The following DUOX1 variants were observed in gnomAD, a reference collection of about 807,000 sequenced individuals.
The protein encoded by DUOX1 is NADPH thyroid oxidase 1.
Under a neutral mutation model 181.8 loss-of-function variants are expected in DUOX1, and 134 were observed. The ratio of observed to expected loss-of-function variants is 0.74; its 90% CI spans 0.64 to 0.85. The LOEUF (loss-of-function observed/expected upper bound fraction) is 0.85, where lower values mean the gene tolerates loss of function less well. DUOX1 is among the 40% of genes least tolerant of loss of function. DUOX1 has a pLI of 0.00. For missense variants in DUOX1, 1,814 were observed against 2,064.4 expected, an observed-to-expected ratio of 0.88 and a Z score of 2.35; for synonymous variants, 798 against 832.5, an observed-to-expected ratio of 0.96 and a Z score of 0.71.
Position 45,139,534 on chromosome 15 carries a change from C to G in DUOX1, c.1324C>G (p.Leu442Val), listed in dbSNP as rs1482026874. 2 of 1,612,990 alleles carry G rather than the reference C, an allele frequency of 1.2e-6. No homozygotes were observed. The highest frequency in any genetic ancestry group is 1.7e-5 in the Admixed American group (1 of 59,652). Residue 442 changes from leucine to valine, a missense_variant, in exon 12 of 34, where the codon CTG becomes GTG. Leu to Val is a conservative substitution (Grantham distance 32). Transcript: ENST00000389037. Reference protein sequence around the residue: ...LPSYTKARAALGLSPITRWQD... With the variant: ...LPSYTKARAAVGLSPITRWQD... The stretch of plus-strand genomic sequence containing the variant: ...CTCTTACACCAAGGCCAGGGCAGCA[C>G]TGGGCTTGTCTCCCATTACCCGCTG...
At chr15:45,150,951 C>T (rs1896785858) in intron 22 of DUOX1, among the ~76,000 whole-genome samples, 172 bp from the exon 23 acceptor site, 1 of 152,184 alleles carries the variant, frequency 6.6e-6, no homozygotes, top group Non-Finnish European at 1.5e-5. Context: ...GCAGCCTTAG[C>T]GAGGACCCCC....
rs1242563377 is a variant in DUOX1 at position 45,134,254 on chromosome 15, G to C, written c.252G>C (p.Arg84Ser). Residue 84 changes from arginine (R) to serine (S), a missense_variant, in exon 4 of 34, where the codon AGG (arginine) becomes AGC (serine). Coordinates refer to ENST00000389037, the MANE Select transcript of DUOX1 (RefSeq NM_175940.3). ...GAGACCTTAGCAACACCATCTCAAGGGGCCCTGCAGGGCTGGCCTCCCTGA... is the reference window on the plus strand; with the variant it reads ...GAGACCTTAGCAACACCATCTCAAGCGGCCCTGCAGGGCTGGCCTCCCTGA... The part of the protein sequence containing the change: ...NPRDLSNTIS[R>S]GPAGLASLRN... 7 of 1,594,604 alleles carry C rather than the reference G, an allele frequency of 4.4e-6. No homozygotes were observed. The highest frequency in any genetic ancestry group is 6.0e-6 in the Non-Finnish European group (7 of 1,172,596).
Position 45,144,083 on chromosome 15 carries a change from T to A in DUOX1, c.1984T>A (p.Tyr662Asn). ...HKEPCRPVLV[Y>N]LQPGQIRVVD... is the part of the protein sequence containing the mutation. ...GGAGCCCTGCCGGCCCGTGCTTGTG[T>A]ACCTGCAGCCCGGGCAGATCCGTGT... Residue 662 changes from tyrosine to asparagine, a missense_variant, in exon 17 of 34, where the codon TAC becomes AAC. Physicochemically the swap from Tyr to Asn is moderately radical, Grantham distance 143. Transcript: ENST00000389037. The A allele has an allele frequency of 6.2e-7, 1 of 1,614,086 alleles. No homozygotes were observed. The highest frequency in any genetic ancestry group is 8.5e-7 in the Non-Finnish European group (1 of 1,180,042).
rs759529164 is a variant in DUOX1 at position 45,143,270 on chromosome 15, A to T, written c.1903A>T (p.Ile635Phe). 6.2e-7 allele frequency: 1 copy of T among 1,614,114 alleles called. No homozygotes were observed. The highest frequency in any genetic ancestry group is 8.5e-7 in the Non-Finnish European group (1 of 1,180,012). The change falls in exon 16 of 34, where the codon ATC (isoleucine) becomes TTC (phenylalanine). Residue 635 changes from isoleucine (I) to phenylalanine (F), a missense_variant. By Grantham distance (21) the Ile-to-Phe change is conservative (BLOSUM62 0). Coordinates refer to ENST00000389037, the MANE Select transcript of DUOX1 (RefSeq NM_175940.3). ...GCTCCAGGGCCAGGACCGCCAGAGC[A>T]TCGTGTCTGAGAAGCTCGTGGGAGG... ...KRLQGQDRQS[I>F]VSEKLVGGME... is the part of the protein sequence containing the mutation.
At position 45,137,949 on chromosome 15, in the gene DUOX1, G is replaced by A; in HGVS notation, c.1048G>A (p.Val350Ile). Residue 350 changes from valine to isoleucine, a missense_variant, in exon 10 of 34, where the codon GTC (valine) becomes ATC (isoleucine). Around this residue, in one of 5 missense-constraint regions of DUOX1, gnomAD observed 1,064 missense variants for 1,152.9 expected, o/e 0.92. Coordinates refer to ENST00000389037, the MANE Select transcript of DUOX1 (RefSeq NM_175940.3). Reference sequence around the variant, plus strand: ...AAATGCCAGCTGCCACTTCCAGGGGGTCATCAATCGGAACTCAAGTGTCTC... The same window carrying A: ...AAATGCCAGCTGCCACTTCCAGGGGATCATCAATCGGAACTCAAGTGTCTC... ...MRNASCHFQG[V>I]INRNSSVSRA... The A allele has an allele frequency of 2.5e-6, 4 of 1,608,860 alleles. No homozygotes were observed. The highest frequency in any genetic ancestry group is 1.1e-5 in the South Asian group (1 of 90,254).
chr15:45,151,502 G>A (rs1161963792), intron 23 of DUOX1, among the ~76,000 whole-genome samples: 1 of 152,202 alleles, frequency 6.6e-6, no homozygotes, highest in Non-Finnish European at 1.5e-5. Context: ...CTGCCAGGGA[G>A]GTCAGAGATG....
rs1438020122 is a variant in DUOX1 at position 45,145,055 on chromosome 15, C to G, written c.2297C>G (p.Thr766Ser). The G allele has an allele frequency of 3.7e-6, 6 of 1,608,652 alleles. No homozygotes were observed. Among genetic ancestry groups the G allele is most frequent in the African/African-American group, 1.3e-5 (1 of 74,652 alleles). Residue 766 changes from threonine (T) to serine (S), a missense_variant, in exon 18 of 34, where the codon ACC (threonine) becomes AGC (serine). By Grantham distance (58) the Thr-to-Ser change is moderately conservative. Around this residue, in one of 5 missense-constraint regions of DUOX1, gnomAD observed 1,064 missense variants for 1,152.9 expected, o/e 0.92. Transcript: ENST00000389037. ...GAGCAGCGGAGGCACCTCCTGGAGA[C>G]CTTTTTCAGGCACCTTTTCTCCCAG... ...TREQRRHLLETFFRHLFSQVL... is the reference protein window; with the variant it reads ...TREQRRHLLESFFRHLFSQVL...
intron 14 of DUOX1, 88 bp from the exon 15 acceptor site, chr15:45,141,887 C>T (rs575095329): frequency 4.9e-5 from 72 of 1,483,616 alleles, no homozygotes; most frequent in African/African-American, 3.9e-4. Context: ...TGCCCCCACC[C>T]CCTTTCTGCC....
chr15:45,136,333 C>T lies in DUOX1; in HGVS notation c.865-17C>T, dbSNP rs1195503804. On this transcript the variant is annotated splice_polypyrimidine_tract_variant and intron_variant, in intron 7 of 33. Transcript: ENST00000389037. The stretch of plus-strand genomic sequence containing the variant: ...CCATCCAACTCGTGCCTCCCCTCGC[C>T]CCTCTCTGCCCCTCAGAACATCGCT... 2 of 1,612,990 alleles carry T rather than the reference C, an allele frequency of 1.2e-6. No homozygotes were observed. The highest frequency in any genetic ancestry group is 1.7e-6 in the Non-Finnish European group (2 of 1,180,034).
At chr15:45,140,059 G>C in intron 12 of DUOX1, 1 of 1,373,834 alleles carries the variant, frequency 7.3e-7, no homozygotes, top group Non-Finnish European at 9.8e-7. Flanking sequence ...CCCATTCCTG[G>C]TGTTCTCAAA....
At position 45,139,454 on chromosome 15, in the gene DUOX1, C is replaced by T. The variant is rs766564455; in HGVS notation, c.1244C>T (p.Ser415Phe). 1.9e-6 allele frequency: 3 copies of T among 1,612,978 alleles called. No individual in the cohort carries two copies. The highest frequency in any genetic ancestry group is 1.7e-5 in the Admixed American group (1 of 59,592). The change falls in exon 12 of 34, where the codon TCC (serine) becomes TTC (phenylalanine). Residue 415 changes from serine to phenylalanine, a missense_variant. Physicochemically the swap from Ser to Phe is radical, Grantham distance 155 (BLOSUM62 -2). This residue lies in a region of DUOX1 where 1,064 missense variants were observed against 1,152.9 expected (regional missense o/e 0.92). Coordinates refer to ENST00000389037, the MANE Select transcript of DUOX1 (RefSeq NM_175940.3). The stretch of plus-strand genomic sequence containing the variant: ...TTCTGGCCTGGGCCACTGAAGTTTT[C>T]CCGCACAGACCACCTGGCCAGCTGC... ...RDFWPGPLKF[S>F]RTDHLASCLQ...
rs752925886 is a variant in DUOX1 at position 45,133,911 on chromosome 15, TACA to T, written c.112_114del (p.Asn38del). On this transcript the variant is annotated inframe_deletion, in exon 3 of 34. Coordinates refer to ENST00000389037, the MANE Select transcript of DUOX1 (RefSeq NM_175940.3). ...GGAGGTGCAGCGATTTGATGGGTGG[TACA>T]ACAACCTCATGGAGCACAGATGGGG... 2 of 1,613,738 alleles carry T rather than the reference TACA, an allele frequency of 1.2e-6. No individual in the cohort carries two copies. Among genetic ancestry groups the T allele is most frequent in the Admixed American group, 3.3e-5 (2 of 59,990 alleles).
intron 27 of DUOX1, 129 bp downstream of exon 27, chr15:45,154,129 GC>G (rs1432072688): frequency 1.3e-5 from 11 of 848,222 alleles, no homozygotes; most frequent in Non-Finnish European, 2.0e-5. Flanking sequence ...CTGTCCTCTG[GC>G]CTGAGGACAC....
intron 21 of DUOX1, 139 bp from the exon 22 acceptor site, chr15:45,150,493 C>T: frequency 1.3e-6 from 1 of 751,376 alleles, no homozygotes; most frequent in South Asian, 1.7e-5. Flanking sequence ...GAGGTTGGAG[C>T]ACCCGAAAGC....
chr15:45,164,701 G>A, intron 33 of DUOX1, 78 bp from the exon 34 acceptor site: 1 of 1,549,592 alleles, frequency 6.5e-7, no homozygotes, highest in East Asian at 2.3e-5. Flanking sequence ...GAACTAGGGA[G>A]CTACCCCTTC....
At chr15:45,132,526 CTCTCTGCAGTCCGGA>C (rs1896180858) in intron 2 of DUOX1, among the ~76,000 whole-genome samples, 1 of 152,200 alleles carries the variant, frequency 6.6e-6, no homozygotes, top group African/African-American at 2.4e-5. Context: ...TCTGAGGCTG[CTCTCTGCAGTCCGGA>C]TCTCTGTGGA....
intron 33 of DUOX1, 26 bp from the exon 34 acceptor site, chr15:45,164,753 G>C: frequency 6.2e-7 from 1 of 1,614,104 alleles, no homozygotes; most frequent in East Asian, 2.2e-5. Context: ...CAAAGAGTTA[G>C]CCTCCACTTA....
chr15:45,143,429 G>T, intron 16 of DUOX1, 126 bp downstream of exon 16: 1 of 700,616 alleles, frequency 1.4e-6, no homozygotes, highest in Non-Finnish European at 2.4e-6. Context: ...AGGCCACAGT[G>T]GCATTAAGCA....
Position 45,155,808 on chromosome 15 carries a change from C to A in DUOX1, c.3581C>A (p.Thr1194Lys). Residue 1194 changes from threonine (T) to lysine (K), a missense_variant, in exon 28 of 34, where the codon ACG (threonine) becomes AAG (lysine). Transcript: ENST00000389037. ...WWFFQTVPGL[T>K]GVVLLLILAI... ...CCCTATATTCATTTTGCAGGCCTCA[C>A]GGGGGTTGTGCTGCTCCTGATCCTG... The A allele has an allele frequency of 3.1e-6, 5 of 1,613,718 alleles. No homozygotes were observed. Among genetic ancestry groups the A allele is most frequent in the Non-Finnish European group, 4.2e-6 (5 of 1,180,004 alleles).
Sources: allele counts gnomAD v4.1 joint callset (sites outside exome capture counted in the v4.1 genomes callset), GRCh38; gene constraint gnomAD v4.1.1; regional missense constraint gnomAD v4.1.1; transcripts MANE v1.5; gene names NCBI Gene and HGNC (gene_info 2026-07-23, HGNC 2026-07-21).